FLT1: variants seen among roughly 807,000 people sequenced by gnomAD.
The protein encoded by FLT1 is vascular endothelial growth factor receptor 1.
Under a neutral mutation model 156.3 loss-of-function variants are expected in FLT1, and 49 were observed. That is an observed-to-expected ratio of 0.31 (90% CI 0.25 to 0.40). The LOEUF is 0.40. Among genes scored for constraint, FLT1 ranks in the 10% least tolerant of loss-of-function variants. The pLI is 1.00. For synonymous variants in FLT1, 594 were observed against 583.8 expected (o/e 1.02, Z -0.25); for missense variants, 1,322 against 1,637.2 (o/e 0.81, Z 3.32).
At chr13:28,404,054 A>AAAAAG (rs1555235426) in intron 11 of FLT1, among the ~76,000 whole-genome samples, 6 of 151,486 alleles carry the variant, frequency 4.0e-5, no homozygotes, top group East Asian at 1.9e-4. Flanking sequence ...AAAAAAAAAA[A>AAAAAG]AAAGAAAGAA....
rs376157528 is a variant in FLT1, at chr13:28,389,099, C to T, written c.1969+697G>A. On this transcript the variant is annotated intron_variant, in intron 13 of 29. Transcript: ENST00000282397. ...TGAATTACACCAACATCTTGCACCC[C>T]TGGGGCCCATTTTAGAAGCTCCAGT... The T allele has an allele frequency of 2.7e-4, 290 of 1,065,182 alleles. 1 individual carries two copies. In the South Asian group the frequency reaches 0.011, roughly 41 times the overall value. The allele number at this position is 1,065,182 out of a possible 1,614,324, so 66.0% of individuals were successfully genotyped here.
At chr13:28,367,032 G>A (rs1311522559) in intron 14 of FLT1, among the ~76,000 whole-genome samples, 2 of 152,220 alleles carry the variant, frequency 1.3e-5, no homozygotes, top group African/African-American at 4.8e-5. Context: ...ATGTCATGTA[G>A]AGGGTGGAGG....
chr13:28,477,911 T>C (rs956128306), intron 1 of FLT1, among the ~76,000 whole-genome samples: 1 of 152,218 alleles, frequency 6.6e-6, no homozygotes, highest in African/African-American at 2.4e-5. Flanking sequence ...TGACAACTGA[T>C]TGCTCAGTGG....
chr13:28,416,068 G>A (rs940299405), intron 10 of FLT1, among the ~76,000 whole-genome samples: 1 of 152,214 alleles, frequency 6.6e-6, no homozygotes, highest in Non-Finnish European at 1.5e-5. Context: ...CACTCGCAAT[G>A]TACCAGCCAC....
intron 14 of FLT1, among the ~76,000 whole-genome samples, chr13:28,377,957 G>GT (rs1279034924): frequency 6.7e-6 from 1 of 149,930 alleles, no homozygotes; most frequent in Non-Finnish European, 1.5e-5. Flanking sequence ...GGCATGTCTA[G>GT]TTTTTAAAAA....
intron 7 of FLT1, 57 bp from the exon 8 acceptor site, chr13:28,430,224 C>T: frequency 8.1e-7 from 1 of 1,229,100 alleles, no homozygotes; most frequent in African/African-American, 1.5e-5. Flanking sequence ...TAAACAAAAC[C>T]TTAGGGCCTC....
chr13:28,444,918 A>T (rs1377596462), intron 3 of FLT1, among the ~76,000 whole-genome samples: 1 of 152,208 alleles, frequency 6.6e-6, no homozygotes, highest in East Asian at 1.9e-4. Context: ...TTATATTGAT[A>T]AAGAAGAAAC....
At chr13:28,368,565 A>G in intron 14 of FLT1, 1 of 1,522,946 alleles carries the variant, frequency 6.6e-7, no homozygotes, top group Non-Finnish European at 8.9e-7. Flanking sequence ...GATGATGATG[A>G]TAATGATGAT....
In FLT1 at chr13:28,444,859, G is replaced by A. The variant is rs566101988; in HGVS notation, c.389-6514C>T. On this transcript the variant is annotated intron_variant, in intron 3 of 29. Coordinates refer to ENST00000282397, the MANE Select transcript of FLT1 (RefSeq NM_002019.4). ...CAGCATACTAAAATTTAAAATTTACGGGATGAAGCTAAAACAGTGTTTAGA... is the reference window on the plus strand; with the variant it reads ...CAGCATACTAAAATTTAAAATTTACAGGATGAAGCTAAAACAGTGTTTAGA... Among the ~76,000 whole-genome samples, 514 of 149,746 alleles carry A rather than the reference G, an allele frequency of 3.4e-3. 3 individuals carry two copies. The highest frequency in any genetic ancestry group is 0.011 in the African/African-American group (466 of 40,602).
intron 16 of FLT1, among the ~76,000 whole-genome samples, chr13:28,343,633 C>CTTTT (rs1257840645): frequency 2.0e-5 from 3 of 150,880 alleles, no homozygotes; most frequent in Non-Finnish European, 4.4e-5. Context: ...CTCTTCTTTT[C>CTTTT]TTTTTTTCTT....
At chr13:28,444,425 AGC>A (rs1878498841) in intron 3 of FLT1, among the ~76,000 whole-genome samples, 2 of 152,164 alleles carry the variant, frequency 1.3e-5, no homozygotes, top group Admixed American at 1.3e-4. Context: ...TGGGCGACAC[AGC>A]AAGACTCCAC....
chr13:28,396,826 G>T (rs1167613605), intron 12 of FLT1, 134 bp downstream of exon 12: 1 of 710,378 alleles, frequency 1.4e-6, no homozygotes, highest in Non-Finnish European at 2.6e-6. Context: ...GAGCAAGGAT[G>T]AAGGCACTCA....
chr13:28,399,033 C>T (rs1238909082), intron 11 of FLT1: 3 of 1,537,700 alleles, frequency 2.0e-6, no homozygotes, highest in Non-Finnish European at 2.6e-6. Flanking sequence ...GTTGTACCCA[C>T]CCGTTTAGAG....
At chr13:28,478,765 T>C in intron 1 of FLT1, among the ~76,000 whole-genome samples, 1 of 152,304 alleles carries the variant, frequency 6.6e-6, no homozygotes, top group South Asian at 2.1e-4. Context: ...ATAAAATGAA[T>C]AAGAAAGGCT....
chr13:28,462,263 T>C (rs1259617199), intron 3 of FLT1, among the ~76,000 whole-genome samples: 1 of 152,196 alleles, frequency 6.6e-6, no homozygotes, highest in East Asian at 1.9e-4. Flanking sequence ...CAGTCATAAC[T>C]CATATATTAC....
In FLT1 at chr13:28,419,348, T is replaced by C. The variant is rs550449975; in HGVS notation, c.1436+7811A>G. ...TAAAATGTAGATCCCCAGGCAGAAG[T>C]GCATGTTTTATAAGTGATTTGTTCT... On this transcript the variant is annotated intron_variant, in intron 10 of 29. Transcript: ENST00000282397. Among the ~76,000 whole-genome samples the C allele has an allele frequency of 2.0e-5, 3 of 152,340 alleles. No individual in the cohort carries two copies. In the East Asian group the frequency reaches 5.8e-4, roughly 29 times the overall value.
At chr13:28,371,346 A>G (rs1873557371) in intron 14 of FLT1, among the ~76,000 whole-genome samples, 1 of 152,244 alleles carries the variant, frequency 6.6e-6, no homozygotes, top group Non-Finnish European at 1.5e-5. Flanking sequence ...CCATAAATAA[A>G]CAATTTATAA....
At chr13:28,445,194 G>A (rs1359500040) in intron 3 of FLT1, among the ~76,000 whole-genome samples, 1 of 152,100 alleles carries the variant, frequency 6.6e-6, no homozygotes, top group African/African-American at 2.4e-5. Context: ...AAATGAAACA[G>A]GGCCAGGTGC....
At chr13:28,313,906 A>ATGAG (rs756766566) in intron 25 of FLT1, among the ~76,000 whole-genome samples, 1 of 25,944 alleles carries the variant, frequency 3.9e-5, no homozygotes, top group African/African-American at 5.7e-5. Flanking sequence ...AAAAAAAAAA[A>ATGAG]AAAGAAGAAT....
Sources: gnomAD v4.1 joint callset for allele counts (sites outside exome capture counted in the v4.1 genomes callset) on GRCh38, gnomAD v4.1.1 for gene constraint, MANE v1.5 for transcripts, NCBI Gene and HGNC (gene_info 2026-07-23, HGNC 2026-07-21) for gene names.